PTPRM: variants seen among roughly 807,000 people sequenced by gnomAD.
PTPRM encodes the protein receptor-type tyrosine-protein phosphatase mu.
PTPRM carries 47 observed loss-of-function variants against 186.7 expected under a neutral mutation model. The observed-to-expected ratio is 0.25, with a 90% CI of 0.20 to 0.32. The LOEUF (loss-of-function observed/expected upper bound fraction) is 0.32, where lower values mean the gene tolerates loss of function less well. Ranked by LOEUF, PTPRM falls within the 10% of genes least tolerant of loss-of-function variation. The pLI is 1.00. For synonymous variants in PTPRM, 668 were observed against 674.9 expected (o/e 0.99, Z 0.16); for missense variants, 1,494 against 1,865.0 (o/e 0.80, Z 3.66).
At chr18:7,717,077 A>G (rs2040350721) in intron 1 of PTPRM, among the ~76,000 whole-genome samples, 1 of 152,364 alleles carries the variant, frequency 6.6e-6, no homozygotes, top group Non-Finnish European at 1.5e-5. Context: ...CCAAATGCCC[A>G]TCAGTGATAG....
intron 1 of PTPRM, among the ~76,000 whole-genome samples, chr18:7,584,296 G>A (rs4798571): frequency 0.39 from 58,874 of 152,034 alleles, 17,702 homozygotes; most frequent in African/African-American, 0.8. Flanking sequence ...ATGCAAGTTT[G>A]TAAGTAAGTA....
At chr18:8,347,100 AGGTACCTGGAGCCC>A (rs1311701646) in intron 23 of PTPRM, among the ~76,000 whole-genome samples, 3 of 152,170 alleles carry the variant, frequency 2.0e-5, no homozygotes, top group African/African-American at 7.2e-5. Context: ...GGGGAGAAAG[AGGTACCTGGAGCCC>A]ACTCTCGGGT....
At chr18:8,405,629 G>C (rs990028033) in intron 32 of PTPRM, among the ~76,000 whole-genome samples, 2 of 152,198 alleles carry the variant, frequency 1.3e-5, no homozygotes, top group African/African-American at 4.8e-5. Context: ...GTATTCAGGA[G>C]GTGCTTATGA....
chr18:7,871,728 T>C (rs1030877351), intron 2 of PTPRM, among the ~76,000 whole-genome samples: 1 of 152,194 alleles, frequency 6.6e-6, no homozygotes, highest in Non-Finnish European at 1.5e-5. Context: ...AGTGCCACTT[T>C]TGTGTGTGCC....
chr18:8,216,517 A>G (rs1012339251), intron 14 of PTPRM, among the ~76,000 whole-genome samples: 1 of 152,256 alleles, frequency 6.6e-6, no homozygotes, highest in African/African-American at 2.4e-5. Context: ...TTTGTTTTCA[A>G]TACTTTTTCT....
intron 14 of PTPRM, among the ~76,000 whole-genome samples, chr18:8,227,527 A>T (rs563957274): frequency 6.6e-6 from 1 of 152,364 alleles, no homozygotes; most frequent in African/African-American, 2.4e-5. Context: ...GTCAGTGCTT[A>T]AAGTGGGATC....
At position 7,922,904 on chromosome 18, in the gene PTPRM, A is replaced by G. The variant is rs143315793; in HGVS notation, c.548-3664A>G. Among the ~76,000 whole-genome samples the G allele has an allele frequency of 3.6e-3, 547 of 152,290 alleles. 3 individuals carry two copies. The highest frequency in any genetic ancestry group is 0.013 in the African/African-American group (530 of 41,556). ...GATGTTTCCGTAAACTTGTTTATGTATGATATGTATTAGGGTTTCTTAACC... is the reference window on the plus strand; with the variant it reads ...GATGTTTCCGTAAACTTGTTTATGTGTGATATGTATTAGGGTTTCTTAACC... On this transcript the variant is annotated intron_variant, in intron 4 of 32. Coordinates refer to ENST00000580170, the MANE Select transcript of PTPRM (RefSeq NM_001105244.2).
intron 19 of PTPRM, among the ~76,000 whole-genome samples, chr18:8,293,416 C>T (rs191030679): frequency 7.2e-5 from 11 of 152,236 alleles, no homozygotes; most frequent in Admixed American, 5.2e-4. Context: ...TCATGTGGCT[C>T]GGGTCCCCAC....
At chr18:8,160,120 T>C (rs2093201468) in intron 14 of PTPRM, among the ~76,000 whole-genome samples, 1 of 152,178 alleles carries the variant, frequency 6.6e-6, no homozygotes, top group African/African-American at 2.4e-5. Flanking sequence ...TCATTTATTT[T>C]TAAGCCACCT....
intron 2 of PTPRM, among the ~76,000 whole-genome samples, chr18:7,855,979 C>G (rs1172291965): frequency 1.3e-5 from 2 of 152,166 alleles, no homozygotes; most frequent in South Asian, 2.1e-4. Flanking sequence ...TGCTTTTTCT[C>G]AGCTTCTGGA....
intron 1 of PTPRM, among the ~76,000 whole-genome samples, chr18:7,601,009 C>T (rs2037387379): frequency 6.6e-6 from 1 of 152,168 alleles, no homozygotes; most frequent in Non-Finnish European, 1.5e-5. Flanking sequence ...GCTGACCTCC[C>T]CTGTGTGACC....
chr18:7,568,426 G>C lies in PTPRM; in HGVS notation c.73+535G>C, dbSNP rs2036486715. Among the ~76,000 whole-genome samples, 1 of 151,888 alleles carries C rather than the reference G, an allele frequency of 6.6e-6. No individual in the cohort carries two copies. Among genetic ancestry groups the C allele is most frequent in the Non-Finnish European group, 1.5e-5 (1 of 67,920 alleles). On this transcript the variant is annotated intron_variant, in intron 1 of 32. Coordinates refer to ENST00000580170, the MANE Select transcript of PTPRM (RefSeq NM_001105244.2). This position sits in a 1 kb window ranked among gnomAD's most constrained non-coding sequence, Gnocchi z 5.1. ...TGCCCTGCCCTCCCTGTCGCCCCCT[G>C]CCCGGCGCGGCTGGCGACCCCGGGA...
intron 2 of PTPRM, among the ~76,000 whole-genome samples, chr18:7,845,337 T>A (rs1374676233): frequency 2.0e-5 from 3 of 152,206 alleles, no homozygotes; most frequent in Non-Finnish European, 4.4e-5. Context: ...ATTTATGATA[T>A]CTTTGAGAAG....
chr18:7,893,779 G>A (rs1378387402), intron 3 of PTPRM, among the ~76,000 whole-genome samples: 1 of 152,148 alleles, frequency 6.6e-6, no homozygotes, highest in Non-Finnish European at 1.5e-5. Flanking sequence ...TAGGTAAATG[G>A]CACATTGTAG....
chr18:8,154,832 A>G (rs1213196626), intron 14 of PTPRM: 1 of 152,224 alleles, frequency 6.6e-6, no homozygotes, highest in Non-Finnish European at 1.5e-5. Context: ...TTTTTTGTTC[A>G]TGTATATTAA....
At chr18:8,368,043 T>G (rs1341750109) in intron 23 of PTPRM, among the ~76,000 whole-genome samples, 5 of 152,110 alleles carry the variant, frequency 3.3e-5, no homozygotes, top group African/African-American at 9.7e-5. Flanking sequence ...TAAATGAATT[T>G]TTAAAGTGTA....
intron 5 of PTPRM, among the ~76,000 whole-genome samples, chr18:7,942,299 AT>A (rs1187392098): frequency 3.3e-5 from 5 of 151,126 alleles, no homozygotes; most frequent in Non-Finnish European, 5.9e-5. Flanking sequence ...AAAAAAAAAA[AT>A]ATTTAATACA....
intron 9 of PTPRM, among the ~76,000 whole-genome samples, chr18:8,080,435 G>A (rs1240762341): frequency 6.6e-6 from 1 of 152,140 alleles, no homozygotes; most frequent in Non-Finnish European, 1.5e-5. Context: ...CTTTTCTGTT[G>A]AAGTAACTAC....
At chr18:8,102,332 A>G (rs971973383) in intron 11 of PTPRM, among the ~76,000 whole-genome samples, 2 of 152,248 alleles carry the variant, frequency 1.3e-5, no homozygotes, top group African/African-American at 2.4e-5. Flanking sequence ...AGATTTCTCT[A>G]TAGCATGGGA....
Sources: gnomAD v4.1 joint callset for allele counts (sites outside exome capture counted in the v4.1 genomes callset) on GRCh38, gnomAD v4.1.1 for gene constraint, Gnocchi (gnomAD v3.1) non-coding constraint, MANE v1.5 for transcripts, NCBI Gene and HGNC (gene_info 2026-07-23, HGNC 2026-07-21) for gene names.